Variants in TAFA1 observed in about 807,000 individuals in gnomAD.
TAFA1 encodes TAFA chemokine like family member 1, also known as chemokine-like protein TAFA-1.
Under a neutral mutation model 18.5 loss-of-function variants are expected in TAFA1, and 4 were observed. The observed-to-expected ratio is 0.22, with a 90% CI of 0.11 to 0.49. TAFA1 has a LOEUF of 0.49. Ranked by LOEUF, TAFA1 falls within the 20% of genes least tolerant of loss-of-function variation. The pLI is 0.98. For missense variants in TAFA1, 147 were observed against 169.0 expected, an observed-to-expected ratio of 0.87 and a Z score of 0.72; for synonymous variants, 56 against 55.2, an observed-to-expected ratio of 1.01 and a Z score of -0.06.
intron 2 of TAFA1, among the ~76,000 whole-genome samples, chr3:68,109,650 T>A (rs1034717560): frequency 6.6e-6 from 1 of 152,142 alleles, no homozygotes; most frequent in East Asian, 1.9e-4. Context: ...CTCCTCTTGA[T>A]TTATGAAGAA....
chr3:68,009,896 T>A (rs1051906201), intron 2 of TAFA1, among the ~76,000 whole-genome samples: 3 of 152,076 alleles, frequency 2.0e-5, no homozygotes, highest in African/African-American at 7.2e-5. Flanking sequence ...TCTGTGACAA[T>A]CCACCCCTAA....
intron 3 of TAFA1, among the ~76,000 whole-genome samples, chr3:68,468,088 GC>G (rs1238426480): frequency 6.6e-6 from 1 of 152,110 alleles, no homozygotes; most frequent in Non-Finnish European, 1.5e-5. Flanking sequence ...CAAATCACAT[GC>G]ACTTTGACAG....
At chr3:68,110,436 A>T (rs1575621306) in intron 2 of TAFA1, among the ~76,000 whole-genome samples, 1 of 152,216 alleles carries the variant, frequency 6.6e-6, no homozygotes, top group African/African-American at 2.4e-5. Context: ...TGCAATGAAC[A>T]TACACATCCA....
intron 2 of TAFA1, among the ~76,000 whole-genome samples, chr3:68,093,187 C>T (rs952472573): frequency 2.6e-5 from 4 of 152,068 alleles, no homozygotes; most frequent in Non-Finnish European, 5.9e-5. Flanking sequence ...TACCTGGGCT[C>T]TTCTTGGCCT....
chr3:68,490,223 T>C (rs6771965), intron 3 of TAFA1, among the ~76,000 whole-genome samples: 14,750 of 152,222 alleles, frequency 0.097, 1,940 homozygotes, highest in African/African-American at 0.28. Context: ...GTCTGCTTAA[T>C]TCAGTGAACC....
chr3:68,287,740 A>G (rs1308603690), intron 2 of TAFA1, among the ~76,000 whole-genome samples: 2 of 152,102 alleles, frequency 1.3e-5, no homozygotes, highest in South Asian at 2.1e-4. Context: ...TGCGCACTAT[A>G]TAAACTTCCA....
intron 2 of TAFA1, among the ~76,000 whole-genome samples, chr3:68,367,979 T>G (rs1469517154): frequency 6.6e-6 from 1 of 152,202 alleles, no homozygotes; most frequent in African/African-American, 2.4e-5. Flanking sequence ...TTAACTCAAA[T>G]GCAAACAGCT....
At chr3:68,310,150 G>A (rs560898108) in intron 2 of TAFA1, among the ~76,000 whole-genome samples, 65 of 152,068 alleles carry the variant, frequency 4.3e-4, no homozygotes, top group Non-Finnish European at 6.6e-4. Context: ...TAGATGTTAC[G>A]TAAAAATTTC....
rs532928516 is a variant in TAFA1, at chr3:68,517,102, C to T, written c.260-21654C>T. Among the ~76,000 whole-genome samples the T allele has an allele frequency of 4.3e-4, 66 of 152,248 alleles. 2 individuals carry two copies. The South Asian group carries it at 0.014, about 32-fold the overall frequency. On this transcript the variant is annotated intron_variant, in intron 3 of 4. Coordinates refer to ENST00000478136, the MANE Select transcript of TAFA1 (RefSeq NM_213609.4). ...TGTTCCTGTTTCCATTTCCTTCTATCCTTTTGCTACATTGAAGGAGAAAAT... is the reference window on the plus strand; with the variant it reads ...TGTTCCTGTTTCCATTTCCTTCTATTCTTTTGCTACATTGAAGGAGAAAAT...
chr3:68,412,221 A>G (rs1446935872), intron 2 of TAFA1, among the ~76,000 whole-genome samples: 2 of 152,112 alleles, frequency 1.3e-5, no homozygotes, highest in Non-Finnish European at 2.9e-5. Flanking sequence ...TTTCAAAGAA[A>G]TGACAGCATG....
intron 2 of TAFA1, among the ~76,000 whole-genome samples, chr3:68,073,072 C>G (rs2064777181): frequency 6.6e-6 from 1 of 152,084 alleles, no homozygotes. Flanking sequence ...CATTTAAATT[C>G]CAGGCTTCCA....
At chr3:68,463,026 T>C (rs1343430459) in intron 3 of TAFA1, among the ~76,000 whole-genome samples, 1 of 152,208 alleles carries the variant, frequency 6.6e-6, no homozygotes, top group African/African-American at 2.4e-5. Flanking sequence ...GGGCAACTCA[T>C]ATAGGCAAAT....
chr3:68,527,184 A>G (rs1176884259), intron 3 of TAFA1, among the ~76,000 whole-genome samples: 1 of 152,238 alleles, frequency 6.6e-6, no homozygotes, highest in African/African-American at 2.4e-5. Flanking sequence ...ATTTACAAAT[A>G]GAATCAGGGA....
intron 3 of TAFA1, among the ~76,000 whole-genome samples, chr3:68,502,853 A>G (rs1426629483): frequency 6.6e-6 from 1 of 152,192 alleles, no homozygotes; most frequent in Non-Finnish European, 1.5e-5. Flanking sequence ...TATTGAAGAC[A>G]TGTATTCAGA....
At position 68,086,104 on chromosome 3, in the gene TAFA1, T is replaced by C. The variant is rs189685539; in HGVS notation, c.118+79360T>C. ...ATATTAATACTAAAATGGGCAGTTATTAACCAAGCATCTGGAAGTGGAGAA... is the reference window on the plus strand; with the variant it reads ...ATATTAATACTAAAATGGGCAGTTACTAACCAAGCATCTGGAAGTGGAGAA... On this transcript the variant is annotated intron_variant, in intron 2 of 4. Coordinates refer to ENST00000478136, the MANE Select transcript of TAFA1 (RefSeq NM_213609.4). Among the ~76,000 whole-genome samples, 38 of 152,352 alleles carry C rather than the reference T, an allele frequency of 2.5e-4. No homozygotes were observed. In the East Asian group the frequency reaches 7.1e-3, roughly 29 times the overall value.
intron 2 of TAFA1, among the ~76,000 whole-genome samples, chr3:68,020,323 C>T (rs189036257): frequency 1.3e-3 from 202 of 152,018 alleles, no homozygotes; most frequent in African/African-American, 4.5e-3. Flanking sequence ...CTAGGCCAAC[C>T]GGGAGTTTAC....
chr3:68,520,238 C>G (rs536433848), intron 3 of TAFA1, among the ~76,000 whole-genome samples: 1 of 152,266 alleles, frequency 6.6e-6, no homozygotes, highest in South Asian at 2.1e-4. Context: ...ATTATATTCA[C>G]GAAGATTTTC....
At chr3:68,501,175 A>AG (rs2072652468) in intron 3 of TAFA1, among the ~76,000 whole-genome samples, 1 of 139,000 alleles carries the variant, frequency 7.2e-6, no homozygotes, top group Non-Finnish European at 1.6e-5. Context: ...AAAAAAAAAA[A>AG]GGGAAAATGT....
At chr3:68,419,923 C>G (rs998906438) in intron 3 of TAFA1, among the ~76,000 whole-genome samples, 6 of 152,116 alleles carry the variant, frequency 3.9e-5, no homozygotes, top group Non-Finnish European at 7.4e-5. Flanking sequence ...TCTTTGTTCA[C>G]GGAACATACT....
Sources: allele counts gnomAD v4.1 joint callset (sites outside exome capture counted in the v4.1 genomes callset), GRCh38; gene constraint gnomAD v4.1.1; transcripts MANE v1.5; gene names NCBI Gene and HGNC (gene_info 2026-07-23, HGNC 2026-07-21).